The following C6orf163 variants were observed in gnomAD, a reference collection of about 807,000 sequenced individuals.
C6orf163 encodes the protein chromosome 6 open reading frame 163.
In C6orf163, 22 loss-of-function variants were observed where a neutral mutation model predicts 28.4. The ratio of observed to expected loss-of-function variants is 0.78; its 90% CI spans 0.55 to 1.11. C6orf163 has a LOEUF of 1.11. Among genes scored for constraint, C6orf163 ranks in the 50% least tolerant of loss-of-function variants. The probability of loss-of-function intolerance (pLI) is 0.00; values close to 1 mark genes in which losing one functional copy is unlikely to be tolerated. For missense variants in C6orf163, 342 were observed against 389.1 expected, an observed-to-expected ratio of 0.88 and a Z score of 1.02; for synonymous variants, 110 against 123.6, an observed-to-expected ratio of 0.89 and a Z score of 0.73.
intron 3 of C6orf163, among the ~76,000 whole-genome samples, chr6:87,351,641 C>T (rs1353909415): frequency 6.6e-6 from 1 of 152,212 alleles, no homozygotes; most frequent in Non-Finnish European, 1.5e-5. Flanking sequence ...CTTAGGCAGG[C>T]CTGCTCTTCA....
chr6:87,353,251 T>C (rs1429027733), intron 3 of C6orf163, among the ~76,000 whole-genome samples: 1 of 152,200 alleles, frequency 6.6e-6, no homozygotes, highest in Non-Finnish European at 1.5e-5. Context: ...AGGGCTGGAA[T>C]GTCATTTTTA....
chr6:87,352,925 C>G (rs866881884), intron 3 of C6orf163, among the ~76,000 whole-genome samples: 9 of 152,068 alleles, frequency 5.9e-5, no homozygotes, highest in African/African-American at 2.2e-4. Flanking sequence ...ATGATGGAGT[C>G]CATGAATCTA....
At chr6:87,348,016 C>A in intron 1 of C6orf163, 1 of 478,870 alleles carries the variant, frequency 2.1e-6, no homozygotes, top group Non-Finnish European at 2.7e-6. Flanking sequence ...ATTAGTCAGG[C>A]ATGGTGGTGG....
At chr6:87,350,335 C>T in intron 2 of C6orf163, 59 bp from the exon 3 acceptor site, 1 of 1,079,304 alleles carries the variant, frequency 9.3e-7, no homozygotes, top group Non-Finnish European at 1.3e-6. Flanking sequence ...CTAAATAAGC[C>T]AAGTTTGCTT....
At chr6:87,356,723 G>T in intron 4 of C6orf163, 1 of 479,552 alleles carries the variant, frequency 2.1e-6, no homozygotes, top group Admixed American at 3.6e-5. Context: ...CTACCACCCA[G>T]CTTAAGGGAT....
At chr6:87,354,719 A>G (rs1445140105) in intron 3 of C6orf163, among the ~76,000 whole-genome samples, 1 of 152,206 alleles carries the variant, frequency 6.6e-6, no homozygotes, top group Non-Finnish European at 1.5e-5. Flanking sequence ...TTCATTTTTT[A>G]ACTTTTCACC....
rs768091881 is a variant in C6orf163, at chr6:87,365,179, A to T, written c.773A>T (p.Gln258Leu). 3.5e-5 allele frequency: 54 copies of T among 1,551,844 alleles called. 2 individuals carry two copies. In the South Asian group the frequency reaches 6.2e-4, roughly 18 times the overall value. Residue 258 changes from glutamine (Q) to leucine (L), a missense_variant, in exon 5 of 5, where the codon CAG becomes CTG. Physicochemically the swap from Gln to Leu is moderately radical, Grantham distance 113. Coordinates refer to ENST00000388923, the MANE Select transcript of C6orf163 (RefSeq NM_001010868.3). The stretch of plus-strand genomic sequence containing the variant: ...ATGATGGATAAACTGGCTAACACCC[A>T]GGGGGAGCTGCTGTCTATAGCAAAA... The part of the protein sequence containing the change: ...GNMMDKLANT[Q>L]GELLSIAKQL...
intron 1 of C6orf163, chr6:87,348,368 C>T (rs181370502): frequency 9.1e-5 from 90 of 987,392 alleles, no homozygotes; most frequent in Admixed American, 1.2e-4. Flanking sequence ...CCACAAAGAA[C>T]CACATGCTAA....
Position 87,356,350 on chromosome 6 carries a change from A to C in C6orf163, c.401A>C (p.Glu134Ala). 6.4e-7 allele frequency: 1 copy of C among 1,551,764 alleles called. No homozygotes were observed. Among genetic ancestry groups the C allele is most frequent in the Non-Finnish European group, 8.7e-7 (1 of 1,146,998 alleles). ...KTEMYQNMDD[E>A]MKREHLAAEQ... Reference sequence around the variant, plus strand: ...GAGATGTATCAAAACATGGATGACGAAATGAAGAGAGAGCACTTGGCTGCA... The same window carrying C: ...GAGATGTATCAAAACATGGATGACGCAATGAAGAGAGAGCACTTGGCTGCA... The change falls in exon 4 of 5, where the codon GAA (glutamate) becomes GCA (alanine). Residue 134 changes from glutamate (E) to alanine (A), a missense_variant. Glu to Ala is a moderately radical substitution (Grantham distance 107). Transcript: ENST00000388923.
chr6:87,345,141 T>A lies in C6orf163; in HGVS notation c.42T>A (p.Ala14=). The change falls in exon 1 of 5, where the codon GCT becomes GCA. Residue 14 remains alanine, a synonymous_variant. Coordinates refer to ENST00000388923, the MANE Select transcript of C6orf163 (RefSeq NM_001010868.3). ...ATTACAAAAACTTTGTTTGCTGTGC[T>A]GTTTGTAATAAAATAATTCCACCAG... ...NSDYKNFVCC[A]VCNKIIPPAP... is the part of the protein sequence containing the mutation. The A allele has an allele frequency of 1.3e-6, 2 of 1,536,144 alleles. No homozygotes were observed. The highest frequency in any genetic ancestry group is 1.7e-6 in the Non-Finnish European group (2 of 1,146,574).
chr6:87,364,968 G>A lies in C6orf163; in HGVS notation c.562G>A (p.Val188Met), dbSNP rs114836542. Residue 188 changes from valine to methionine, a missense_variant, in exon 5 of 5, where the codon GTG becomes ATG. Val to Met is a conservative substitution (Grantham distance 21). Transcript: ENST00000388923. ...EAIQAQKSKA[V>M]EEIVNTGVTV... is the part of the protein sequence containing the mutation. ...CCATATTATCTTTTGTAGCAAAGCC[G>A]TGGAGGAAATTGTGAATACTGGTGT... is the stretch of plus-strand genomic sequence containing the variant. 1,114 of 1,539,802 alleles carry A rather than the reference G, an allele frequency of 7.2e-4. 4 individuals are homozygous for A. In the African/African-American group the frequency reaches 0.012, roughly 17 times the overall value.
At chr6:87,363,813 G>C (rs888870458) in intron 4 of C6orf163, among the ~76,000 whole-genome samples, 24 of 152,202 alleles carry the variant, frequency 1.6e-4, no homozygotes, top group African/African-American at 5.8e-4. Flanking sequence ...ACATACGTGT[G>C]CATGTGTCTT....
chr6:87,353,026 A>G (rs1240592958), intron 3 of C6orf163, among the ~76,000 whole-genome samples: 1 of 152,228 alleles, frequency 6.6e-6, no homozygotes, highest in East Asian at 1.9e-4. Flanking sequence ...CCTTACATTA[A>G]ATAAGAACAT....
intron 3 of C6orf163, among the ~76,000 whole-genome samples, chr6:87,351,652 G>C (rs1461152130): frequency 1.3e-5 from 2 of 152,262 alleles, no homozygotes; most frequent in African/African-American, 4.8e-5. Flanking sequence ...CTGCTCTTCA[G>C]CTGCTATGTA....
intron 3 of C6orf163, among the ~76,000 whole-genome samples, chr6:87,354,629 A>G (rs191046080): frequency 8.5e-5 from 13 of 152,350 alleles, no homozygotes; most frequent in African/African-American, 2.9e-4. Flanking sequence ...TAAATGGCCA[A>G]TGTTTTCCTA....
chr6:87,349,998 GCT>G (rs1777386274), intron 2 of C6orf163, among the ~76,000 whole-genome samples: 2 of 152,218 alleles, frequency 1.3e-5, no homozygotes, highest in African/African-American at 4.8e-5. Context: ...TCTTTACTCA[GCT>G]CCTTCTAGCT....
chr6:87,350,383 T>G lies in C6orf163; in HGVS notation c.244-11T>G, dbSNP rs1224710052. 2.0e-6 allele frequency: 3 copies of G among 1,499,044 alleles called. No homozygotes were observed. Among genetic ancestry groups the G allele is most frequent in the Non-Finnish European group, 2.7e-6 (3 of 1,115,476 alleles). The allele number at this position is 1,499,044 out of a possible 1,614,324, so 92.9% of individuals were successfully genotyped here. A position where few individuals can be genotyped will look rare whatever the true frequency, so the allele number is the denominator to read the frequency against. Reference sequence around the variant, plus strand: ...ATACATTAATAGATAAATGGACTCTTTCTTTCAAAGGCTAATGAACGTCAA... The same window carrying G: ...ATACATTAATAGATAAATGGACTCTGTCTTTCAAAGGCTAATGAACGTCAA... On this transcript the variant is annotated splice_polypyrimidine_tract_variant and intron_variant, in intron 2 of 4. Transcript: ENST00000388923.
intron 4 of C6orf163, among the ~76,000 whole-genome samples, chr6:87,359,815 C>G (rs942425068): frequency 6.6e-6 from 1 of 152,134 alleles, no homozygotes; most frequent in African/African-American, 2.4e-5. Context: ...CTGGCCAGTG[C>G]CACCCTGAAA....
In C6orf163 at chr6:87,359,306, A is replaced by G. The variant is rs540880544; in HGVS notation, c.554+2803A>G. On this transcript the variant is annotated intron_variant, in intron 4 of 4. Coordinates refer to ENST00000388923, the MANE Select transcript of C6orf163 (RefSeq NM_001010868.3). Reference sequence around the variant, plus strand: ...GAATGAGAACCGAATGCGCAAAGCCATGGAAGGAGAAAGTATGATGTATAA... The same window carrying G: ...GAATGAGAACCGAATGCGCAAAGCCGTGGAAGGAGAAAGTATGATGTATAA... The G allele has an allele frequency of 6.6e-5, 10 of 152,284 alleles. 1 individual carries two copies. The highest frequency in any genetic ancestry group is 5.9e-4 in the Admixed American group (9 of 15,282). 9.4% of individuals were successfully genotyped at this position (152,284 alleles called of 1,614,324 possible). A position where few individuals can be genotyped will look rare whatever the true frequency, so the allele number is the denominator to read the frequency against.
Sources: gnomAD v4.1 joint callset for allele counts (sites outside exome capture counted in the v4.1 genomes callset) on GRCh38, gnomAD v4.1.1 for gene constraint, MANE v1.5 for transcripts, NCBI Gene and HGNC (gene_info 2026-07-23, HGNC 2026-07-21) for gene names.